The following TMEM150A variants were observed in gnomAD, a reference collection of about 807,000 sequenced individuals.
The protein encoded by TMEM150A is transmembrane protein 150A, also known as fasting-inducible integral membrane protein TM6P1.
TMEM150A carries 18 observed loss-of-function variants against 29.8 expected under a neutral mutation model. That is an observed-to-expected ratio of 0.60 (90% CI 0.42 to 0.90). TMEM150A has a LOEUF of 0.90. Ranked by LOEUF, TMEM150A falls within the 40% of genes least tolerant of loss-of-function variation. The probability of loss-of-function intolerance (pLI) is 0.00; values close to 1 mark genes in which losing one functional copy is unlikely to be tolerated. For synonymous variants in TMEM150A, 127 were observed against 143.6 expected, an observed-to-expected ratio of 0.88 and a Z score of 0.83; for missense variants, 251 against 349.7, an observed-to-expected ratio of 0.72 and a Z score of 2.25.
chr2:85,599,324 C>T lies in TMEM150A; in HGVS notation c.575-7G>A, dbSNP rs753227104. 1.4e-5 allele frequency: 22 copies of T among 1,613,652 alleles called. No individual in the cohort carries two copies. Among genetic ancestry groups the T allele is most frequent in the Middle Eastern group, 1.6e-4 (1 of 6,082 alleles). ...TGGACAAAGAAGACTCCACCTAAAA[C>T]GAGGCTAAGGAAATGTTCAGTAGGA... On this transcript the variant is annotated splice_polypyrimidine_tract_variant and splice_region_variant and intron_variant, in intron 7 of 7. Transcript: ENST00000334462. The surrounding 1 kb of genome is among the most constrained non-coding windows in gnomAD (Gnocchi z 6.0).
chr2:85,601,605 A>G lies in TMEM150A; in HGVS notation c.66-123T>C, dbSNP rs991314755. On this transcript the variant is annotated intron_variant, in intron 2 of 7. Coordinates refer to ENST00000334462, the MANE Select transcript of TMEM150A (RefSeq NM_001031738.3). This position sits in a 1 kb window ranked among gnomAD's most constrained non-coding sequence, Gnocchi z 4.0. ...CCTCATTATTGTTGCTGGGGACTCA[A>G]GTTGAGGTCCCTAAGGCTTGATGCC... The G allele has an allele frequency of 1.8e-5, 21 of 1,168,602 alleles. No homozygotes were observed. Among genetic ancestry groups the G allele is most frequent in the Non-Finnish European group, 2.4e-5 (20 of 820,008 alleles). The allele number at this position is 1,168,602 out of a possible 1,614,324, so 72.4% of individuals were successfully genotyped here.
At position 85,600,302 on chromosome 2, in the gene TMEM150A, ACTGGG is replaced by A. The variant is rs752840108; in HGVS notation, c.268+38_268+42del. The A allele has an allele frequency of 1.3e-5, 21 of 1,607,128 alleles. No homozygotes were observed. The African/African-American group carries it at 2.8e-4, about 21-fold the overall frequency. On this transcript the variant is annotated intron_variant, in intron 5 of 7. Coordinates refer to ENST00000334462, the MANE Select transcript of TMEM150A (RefSeq NM_001031738.3). ...TCCTGGGCCTTTCTGTGTGGGGATC[ACTGGG>A]CTGGGCACGCAGGGTCAGGGCTAAG... is the stretch of plus-strand genomic sequence containing the variant.
Position 85,601,710 on chromosome 2 carries a change from C to A in TMEM150A, c.65+174G>T. On this transcript the variant is annotated intron_variant, in intron 2 of 7. Coordinates refer to ENST00000334462, the MANE Select transcript of TMEM150A (RefSeq NM_001031738.3). The surrounding 1 kb of genome is among the most constrained non-coding windows in gnomAD (Gnocchi z 4.0). ...CTAGAAGTATATTTGTCAGGGCCAC[C>A]CTGCTGGACAGCAGTGGTGCCAGCT... The A allele has an allele frequency of 1.1e-6, 1 of 899,534 alleles. No homozygotes were observed. The highest frequency in any genetic ancestry group is 2.2e-5 in the Admixed American group (1 of 45,314). 55.7% of individuals were successfully genotyped at this position (899,534 alleles called of 1,614,324 possible). A position where few individuals can be genotyped will look rare whatever the true frequency, so the allele number is the denominator to read the frequency against.
Position 85,601,863 on chromosome 2 carries a change from C to A in TMEM150A, c.65+21G>T, listed in dbSNP as rs200494704. On this transcript the variant is annotated intron_variant, in intron 2 of 7. Coordinates refer to ENST00000334462, the MANE Select transcript of TMEM150A (RefSeq NM_001031738.3). The surrounding 1 kb of genome is among the most constrained non-coding windows in gnomAD (Gnocchi z 4.0). ...GCGTCATCAAGCTCCTGTTGCCCCC[C>A]GGGCACCCCCCTTTACTCACACAGT... The A allele has an allele frequency of 2.5e-6, 4 of 1,613,188 alleles. No individual in the cohort carries two copies. The highest frequency in any genetic ancestry group is 1.3e-5 in the African/African-American group (1 of 75,028).
chr2:85,599,998 G>A lies in TMEM150A; in HGVS notation c.289C>T (p.Arg97Cys), dbSNP rs1395939747. Residue 97 changes from arginine (R) to cysteine (C), a missense_variant, in exon 6 of 8, where the codon CGC becomes TGC. Transcript: ENST00000334462. The surrounding 1 kb of genome is among the most constrained non-coding windows in gnomAD (Gnocchi z 6.0). ...AFMVALICLL[R>C]YGQLLEQSRH... ...CTCTGCTCCAGGAGCTGCCCGTAGCGCAGGAGGCAGATCAGGGCCACTGGG... is the reference window on the plus strand; with the variant it reads ...CTCTGCTCCAGGAGCTGCCCGTAGCACAGGAGGCAGATCAGGGCCACTGGG... The A allele has an allele frequency of 5.6e-6, 9 of 1,612,708 alleles. No individual in the cohort carries two copies. The highest frequency in any genetic ancestry group is 6.8e-6 in the Non-Finnish European group (8 of 1,180,000).
At position 85,599,095 on chromosome 2, in the gene TMEM150A, T is replaced by G; in HGVS notation, c.797A>C (p.Glu266Ala). ...STSTHLNCAP[E>A]SIAMI ...CAGACCTTAGATCATAGCGATGCTC[T>G]CGGGGGCACAGTTGAGGTGGGTGGA... The change falls in exon 8 of 8, where the codon GAG becomes GCG. Residue 266 changes from glutamate (E) to alanine (A), a missense_variant. Coordinates refer to ENST00000334462, the MANE Select transcript of TMEM150A (RefSeq NM_001031738.3). The surrounding 1 kb of genome is among the most constrained non-coding windows in gnomAD (Gnocchi z 6.0). 6.2e-7 allele frequency: 1 copy of G among 1,613,630 alleles called. No individual in the cohort carries two copies. The highest frequency in any genetic ancestry group is 8.5e-7 in the Non-Finnish European group (1 of 1,179,990).
At position 85,601,699 on chromosome 2, in the gene TMEM150A, G is replaced by C; in HGVS notation, c.65+185C>G. The C allele has an allele frequency of 1.1e-6, 1 of 875,994 alleles. No individual in the cohort carries two copies. The highest frequency in any genetic ancestry group is 1.8e-6 in the Non-Finnish European group (1 of 548,076). 54.3% of individuals were successfully genotyped at this position (875,994 alleles called of 1,614,324 possible). On this transcript the variant is annotated intron_variant, in intron 2 of 7. Transcript: ENST00000334462. The surrounding 1 kb of genome is among the most constrained non-coding windows in gnomAD (Gnocchi z 4.0). ...AATTGCCCTGGCTAGAAGTATATTT[G>C]TCAGGGCCACCCTGCTGGACAGCAG...
rs1371975921 is a variant in TMEM150A at position 85,599,349 on chromosome 2, A to G, written c.575-32T>C. 1 of 1,610,228 alleles carries G rather than the reference A, an allele frequency of 6.2e-7. No homozygotes were observed. Among genetic ancestry groups the G allele is most frequent in the African/African-American group, 1.3e-5 (1 of 74,780 alleles). On this transcript the variant is annotated intron_variant, in intron 7 of 7. Coordinates refer to ENST00000334462, the MANE Select transcript of TMEM150A (RefSeq NM_001031738.3). This position sits in a 1 kb window ranked among gnomAD's most constrained non-coding sequence, Gnocchi z 6.0. ...CGAGGCTAAGGAAATGTTCAGTAGGACATACGGAAACCTGGCAACACCCCT... is the reference window on the plus strand; with the variant it reads ...CGAGGCTAAGGAAATGTTCAGTAGGGCATACGGAAACCTGGCAACACCCCT...
rs1297319619 is a variant in TMEM150A at position 85,601,863 on chromosome 2, C to CG, written c.65+20dup. The CG allele has an allele frequency of 3.1e-6, 5 of 1,613,192 alleles. No individual in the cohort carries two copies. The highest frequency in any genetic ancestry group is 2.2e-5 in the East Asian group (1 of 44,866). On this transcript the variant is annotated intron_variant, in intron 2 of 7. Transcript: ENST00000334462. The surrounding 1 kb of genome is among the most constrained non-coding windows in gnomAD (Gnocchi z 4.0). ...GCGTCATCAAGCTCCTGTTGCCCCC[C>CG]GGGCACCCCCCTTTACTCACACAGT...
Position 85,602,132 on chromosome 2 carries a change from C to T in TMEM150A, c.-116-68G>A. 1 of 579,994 alleles carries T rather than the reference C, an allele frequency of 1.7e-6. No homozygotes were observed. Among genetic ancestry groups the T allele is most frequent in the Non-Finnish European group, 3.1e-6 (1 of 317,708 alleles). 35.9% of individuals were successfully genotyped at this position (579,994 alleles called of 1,614,324 possible). A position where few individuals can be genotyped will look rare whatever the true frequency, so the allele number is the denominator to read the frequency against. ...GGAAGGGGGAGGGGAAGGGGGTCAA[C>T]ACCTTATCCAGCGCTCCCGTTGGGT... On this transcript the variant is annotated intron_variant, in intron 1 of 7. Coordinates refer to ENST00000334462, the MANE Select transcript of TMEM150A (RefSeq NM_001031738.3). This position sits in a 1 kb window ranked among gnomAD's most constrained non-coding sequence, Gnocchi z 5.6.
rs1573358664 is a variant in TMEM150A, at chr2:85,599,808, GC to G, written c.396+82del. 2.5e-6 allele frequency: 4 copies of G among 1,606,280 alleles called. No homozygotes were observed. In the East Asian group the frequency reaches 8.9e-5, roughly 36 times the overall value. On this transcript the variant is annotated intron_variant, in intron 6 of 7. Transcript: ENST00000334462. The surrounding 1 kb of genome is among the most constrained non-coding windows in gnomAD (Gnocchi z 6.0). ...CTCTTCCTTCCTCTCCCTCTTTCCA[GC>G]CCCAACCTTGAGGTGCCACACTGCA...
At chr2:85,600,502 G>A (rs1672873154) in intron 4 of TMEM150A, 90 bp from the exon 5 acceptor site, 1 of 892,110 alleles carries the variant, frequency 1.1e-6, no homozygotes, top group Non-Finnish European at 1.9e-6. Context: ...TGCTTTACCT[G>A]CACCTGCTCC....
Position 85,601,854 on chromosome 2 carries a change from G to C in TMEM150A, c.65+30C>G. ...ACTTTGTGTGCGTCATCAAGCTCCT[G>C]TTGCCCCCCGGGCACCCCCCTTTAC... On this transcript the variant is annotated intron_variant, in intron 2 of 7. Coordinates refer to ENST00000334462, the MANE Select transcript of TMEM150A (RefSeq NM_001031738.3). This position sits in a 1 kb window ranked among gnomAD's most constrained non-coding sequence, Gnocchi z 4.0. The C allele has an allele frequency of 6.2e-7, 1 of 1,612,288 alleles. No homozygotes were observed. The highest frequency in any genetic ancestry group is 8.5e-7 in the Non-Finnish European group (1 of 1,178,514).
At chr2:85,600,144 G>T (rs1672853953) in intron 5 of TMEM150A, 126 bp from the exon 6 acceptor site, 2 of 1,389,374 alleles carry the variant, frequency 1.4e-6, no homozygotes, top group Non-Finnish European at 2.0e-6. Flanking sequence ...CAGACAGGCG[G>T]GTGGTGAACT....
chr2:85,601,848 G>C lies in TMEM150A; in HGVS notation c.65+36C>G. 6.2e-7 allele frequency: 1 copy of C among 1,608,854 alleles called. No homozygotes were observed. On this transcript the variant is annotated intron_variant, in intron 2 of 7. Coordinates refer to ENST00000334462, the MANE Select transcript of TMEM150A (RefSeq NM_001031738.3). This position sits in a 1 kb window ranked among gnomAD's most constrained non-coding sequence, Gnocchi z 4.0. ...CAAGAGACTTTGTGTGCGTCATCAAGCTCCTGTTGCCCCCCGGGCACCCCC... is the reference window on the plus strand; with the variant it reads ...CAAGAGACTTTGTGTGCGTCATCAACCTCCTGTTGCCCCCCGGGCACCCCC...
Position 85,601,849 on chromosome 2 carries a change from C to G in TMEM150A, c.65+35G>C, listed in dbSNP as rs3827550. The G allele has an allele frequency of 0.04, 64,410 of 1,610,200 alleles. 4,030 individuals carry two copies. Among genetic ancestry groups the G allele is most frequent in the East Asian group, 0.31 (13,720 of 44,802 alleles). On this transcript the variant is annotated intron_variant, in intron 2 of 7. Coordinates refer to ENST00000334462, the MANE Select transcript of TMEM150A (RefSeq NM_001031738.3). The surrounding 1 kb of genome is among the most constrained non-coding windows in gnomAD (Gnocchi z 4.0). The stretch of plus-strand genomic sequence containing the variant: ...AAGAGACTTTGTGTGCGTCATCAAG[C>G]TCCTGTTGCCCCCCGGGCACCCCCC...
chr2:85,599,051 C>T lies in TMEM150A; in HGVS notation c.*25G>A, dbSNP rs758847843. The T allele has an allele frequency of 6.2e-6, 10 of 1,600,314 alleles. No individual in the cohort carries two copies. Among genetic ancestry groups the T allele is most frequent in the South Asian group, 2.2e-5 (2 of 90,858 alleles). ...GATATGGGGTGGGGTGCTGTGGAGG[C>T]CGGGCCAGCCACCCTCCCCAGACCT... On this transcript the variant is annotated 3_prime_UTR_variant, in exon 8 of 8. Coordinates refer to ENST00000334462, the MANE Select transcript of TMEM150A (RefSeq NM_001031738.3). This position sits in a 1 kb window ranked among gnomAD's most constrained non-coding sequence, Gnocchi z 6.0.
In TMEM150A at chr2:85,599,545, G is replaced by A; in HGVS notation, c.554C>T (p.Ala185Val). 6.2e-7 allele frequency: 1 copy of A among 1,613,284 alleles called. No homozygotes were observed. Residue 185 changes from alanine to valine, a missense_variant, in exon 7 of 8, where the codon GCC becomes GTC. Physicochemically the swap from Ala to Val is moderately conservative, Grantham distance 64. Coordinates refer to ENST00000334462, the MANE Select transcript of TMEM150A (RefSeq NM_001031738.3). This position sits in a 1 kb window ranked among gnomAD's most constrained non-coding sequence, Gnocchi z 6.0. ...GATACTGAGGACCAGGGTGATAAAG[G>A]CGATGACAGCCAGCACACTTCGCAG... ...AYLRSVLAVI[A>V]FITLVLSGVF...
rs945166034 is a variant in TMEM150A, at chr2:85,599,716, A to C, written c.397-14T>G. 6.2e-7 allele frequency: 1 copy of C among 1,609,730 alleles called. No homozygotes were observed. Among genetic ancestry groups the C allele is most frequent in the Non-Finnish European group, 8.5e-7 (1 of 1,178,186 alleles). ...GGCATGATCCACCTGGGCCCAGAGA[A>C]GGGCCAGTTGGTGATGTGGCCATGG... is the stretch of plus-strand genomic sequence containing the variant. On this transcript the variant is annotated splice_polypyrimidine_tract_variant and intron_variant, in intron 6 of 7. Transcript: ENST00000334462. This position sits in a 1 kb window ranked among gnomAD's most constrained non-coding sequence, Gnocchi z 6.0.
Sources: allele counts gnomAD v4.1 joint callset, GRCh38; gene constraint gnomAD v4.1.1; non-coding constraint Gnocchi (gnomAD v3.1); transcripts MANE v1.5; gene names NCBI Gene and HGNC (gene_info 2026-07-23, HGNC 2026-07-21).